The following NXNL1 variants were observed in gnomAD, a reference collection of about 807,000 sequenced individuals.
NXNL1 encodes the protein nucleoredoxin-like protein 1.
A neutral mutation model predicts 7.2 loss-of-function variants in NXNL1; 6 were observed. That is an observed-to-expected ratio of 0.83 (90% CI 0.46 to 1.64). The LOEUF is 1.64. Among genes scored for constraint, NXNL1 ranks in the 40% most tolerant of loss-of-function variants. The pLI, the probability that NXNL1 is intolerant of heterozygous loss-of-function variation, is 0.01. For missense variants in NXNL1, 308 were observed against 285.1 expected (o/e 1.08, Z -0.58); for synonymous variants, 133 against 127.2 (o/e 1.05, Z -0.31).
Position 17,460,633 on chromosome 19 carries a change from G to C in NXNL1, c.237C>G (p.Ser79=). ...CCTGCTGCTCCTCCGTGGAGTCCTG[G>C]GACACGTACACCAGGGCCAGCTGAG... ...RAAQLALVYV[S]QDSTEEQQDL... Residue 79 remains serine (S), a synonymous_variant, in exon 1 of 2, where the codon TCC becomes TCG. Coordinates refer to ENST00000301944, the MANE Select transcript of NXNL1 (RefSeq NM_138454.2). 2.5e-6 allele frequency: 4 copies of C among 1,612,398 alleles called. No individual in the cohort carries two copies. Among genetic ancestry groups the C allele is most frequent in the South Asian group, 2.2e-5 (2 of 91,088 alleles).
Position 17,455,668 on chromosome 19 carries a change from G to GCCCCCCCCCCCCCC in NXNL1, c.617_618insGGGGGGGGGGGGGG (p.Ala208GlyfsTer61). ...CGGGTCAGAACAGCCCCCCGGCCCC[G>GCCCCCCCCCCCCCC]CCCTCCTCCCCACCCCCTCCCCCGG... On this transcript the variant is annotated frameshift_variant, in exon 2 of 2. Coordinates refer to ENST00000301944, the MANE Select transcript of NXNL1 (RefSeq NM_138454.2). LOFTEE classifies it high-confidence loss of function. 1 of 330,288 alleles carries GCCCCCCCCCCCCCC rather than the reference G, an allele frequency of 3.0e-6. No homozygotes were observed. The allele number at this position is 330,288 out of a possible 1,614,324, so 20.5% of individuals were successfully genotyped here. A position where few individuals can be genotyped will look rare whatever the true frequency, so the allele number is the denominator to read the frequency against.
At position 17,455,857 on chromosome 19, in the gene NXNL1, G is replaced by A. The variant is rs2074991139; in HGVS notation, c.429C>T (p.Arg143=). 1 of 1,589,040 alleles carries A rather than the reference G, an allele frequency of 6.3e-7. No individual in the cohort carries two copies. Among genetic ancestry groups the A allele is most frequent in the Non-Finnish European group, 8.5e-7 (1 of 1,174,302 alleles). The change falls in exon 2 of 2, where the codon CGC becomes CGT. Residue 143 remains arginine, a synonymous_variant. Coordinates refer to ENST00000301944, the MANE Select transcript of NXNL1 (RefSeq NM_138454.2). ...LTRDGADEIQ[R]LGTACFANWQ... ...AGTTGGCGAAGCAGGCGGTGCCCAG[G>A]CGCTGGATCTCGTCGGCGCCGTCGC... is the stretch of plus-strand genomic sequence containing the variant.
intron 1 of NXNL1, 148 bp from the exon 2 acceptor site, chr19:17,456,107 ACAG>A: frequency 7.1e-7 from 1 of 1,402,218 alleles, no homozygotes; most frequent in South Asian, 1.5e-5. Context: ...GAGGACCGGG[ACAG>A]GGCCAGACAC....
intron 1 of NXNL1, 122 bp downstream of exon 1, chr19:17,460,422 C>A: frequency 9.4e-7 from 1 of 1,066,656 alleles, no homozygotes; most frequent in South Asian, 1.6e-5. Flanking sequence ...CTGTCTGTAC[C>A]CCCTAGTTCC....
intron 1 of NXNL1, among the ~76,000 whole-genome samples, chr19:17,457,638 A>T (rs1006078885): frequency 6.6e-5 from 10 of 152,108 alleles, no homozygotes; most frequent in African/African-American, 2.4e-4. Flanking sequence ...CTCCCAAAGC[A>T]CTGGGATTAC....
intron 1 of NXNL1, among the ~76,000 whole-genome samples, chr19:17,458,068 CAA>C (rs2074999259): frequency 6.6e-6 from 1 of 152,020 alleles, no homozygotes; most frequent in South Asian, 2.1e-4. Context: ...TTATTGTAGA[CAA>C]AGTGTATATG....
intron 1 of NXNL1, among the ~76,000 whole-genome samples, chr19:17,456,768 A>T (rs1351825957): frequency 6.6e-6 from 1 of 152,066 alleles, no homozygotes; most frequent in Non-Finnish European, 1.5e-5. Flanking sequence ...CACAAAGAGA[A>T]CCCATGATAC....
rs763923375 is a variant in NXNL1, at chr19:17,460,616, T to C, written c.254A>G (p.Glu85Gly). 2 of 1,610,800 alleles carry C rather than the reference T, an allele frequency of 1.2e-6. No individual in the cohort carries two copies. Among genetic ancestry groups the C allele is most frequent in the Non-Finnish European group, 1.7e-6 (2 of 1,180,020 alleles). The change falls in exon 1 of 2, where the codon GAG becomes GGG. Residue 85 changes from glutamate to glycine, a missense_variant. By Grantham distance (98) the Glu-to-Gly change is moderately conservative. Transcript: ENST00000301944. Reference protein sequence around the residue: ...LVYVSQDSTEEQQDLFLKDMP... With the variant: ...LVYVSQDSTEGQQDLFLKDMP... ...GTCCTTGAGGAACAGGTCCTGCTGC[T>C]CCTCCGTGGAGTCCTGGGACACGTA...
intron 1 of NXNL1, among the ~76,000 whole-genome samples, chr19:17,459,503 C>T (rs1423654488): frequency 1.3e-5 from 2 of 151,366 alleles, no homozygotes; most frequent in African/African-American, 2.4e-5. Flanking sequence ...CTGCAACTTT[C>T]GCCTCCTGGA....
rs774230372 is a variant in NXNL1 at position 17,455,974 on chromosome 19, G to T, written c.327-15C>A. 1.3e-6 allele frequency: 2 copies of T among 1,597,440 alleles called. No individual in the cohort carries two copies. Among genetic ancestry groups the T allele is most frequent in the Non-Finnish European group, 1.7e-6 (2 of 1,179,550 alleles). ...GCCCGAGGTCCCTGCGGAGCGGGCA[G>T]GTCAGTCTGGACGGATCCACATCCC... is the stretch of plus-strand genomic sequence containing the variant. On this transcript the variant is annotated splice_polypyrimidine_tract_variant and intron_variant, in intron 1 of 1. Transcript: ENST00000301944.
rs777101260 is a variant in NXNL1, at chr19:17,455,943, A to G, written c.343T>C (p.Phe115Leu). The G allele has an allele frequency of 6.3e-7, 1 of 1,597,422 alleles. No individual in the cohort carries two copies. Among genetic ancestry groups the G allele is most frequent in the South Asian group, 1.1e-5 (1 of 90,990 alleles). ...DDLRRDLGRQ[F>L]SVERLPAVVV... is the part of the protein sequence containing the mutation. ...ACCGCCGGCAGGCGCTCCACTGAGA[A>G]CTGGCGCCCGAGGTCCCTGCGGAGC... Residue 115 changes from phenylalanine to leucine, a missense_variant, in exon 2 of 2, where the codon TTC becomes CTC. By Grantham distance (22) the Phe-to-Leu change is conservative. Coordinates refer to ENST00000301944, the MANE Select transcript of NXNL1 (RefSeq NM_138454.2).
chr19:17,456,542 T>C (rs114386593), intron 1 of NXNL1, among the ~76,000 whole-genome samples: 2,126 of 151,980 alleles, frequency 0.014, 57 homozygotes, highest in African/African-American at 0.048. Flanking sequence ...GCAGTGTTTT[T>C]CTCCAAAGTG....
chr19:17,455,563 A>G lies in NXNL1; in HGVS notation c.*84T>C, dbSNP rs1362093906. ...CGATCCTCCCGCCTTGGCCTCCCCA[A>G]GTGCTGGGATTACAGGCGTGCGGGG... On this transcript the variant is annotated 3_prime_UTR_variant, in exon 2 of 2. Transcript: ENST00000301944. The G allele has an allele frequency of 1.2e-6, 1 of 846,032 alleles. No individual in the cohort carries two copies. Among genetic ancestry groups the G allele is most frequent in the Non-Finnish European group, 1.8e-6 (1 of 556,526 alleles). 52.4% of individuals were successfully genotyped at this position (846,032 alleles called of 1,614,324 possible).
Position 17,460,166 on chromosome 19 carries a change from A to G in NXNL1, c.326+378T>C, listed in dbSNP as rs773950785. ...GCTGGGATTACAGGCGCCCACCACCACGCCTGGATAATTTTTGTATTTTTA... is the reference window on the plus strand; with the variant it reads ...GCTGGGATTACAGGCGCCCACCACCGCGCCTGGATAATTTTTGTATTTTTA... On this transcript the variant is annotated intron_variant, in intron 1 of 1. Coordinates refer to ENST00000301944, the MANE Select transcript of NXNL1 (RefSeq NM_138454.2). 7.0e-4 allele frequency among the ~76,000 whole-genome samples: 105 copies of G among 150,590 alleles called. 1 individual carries two copies. The highest frequency in any genetic ancestry group is 1.9e-4 in the Non-Finnish European group (13 of 67,928).
chr19:17,458,037 C>T (rs539653762), intron 1 of NXNL1, among the ~76,000 whole-genome samples: 3 of 152,142 alleles, frequency 2.0e-5, no homozygotes, highest in East Asian at 1.9e-4. Flanking sequence ...TATGCATATA[C>T]GTGTATATAG....
Position 17,460,692 on chromosome 19 carries a change from G to T in NXNL1, c.178C>A (p.Arg60=). The change falls in exon 1 of 2, where the codon CGG becomes AGG. Residue 60 remains arginine (R), a synonymous_variant. Coordinates refer to ENST00000301944, the MANE Select transcript of NXNL1 (RefSeq NM_138454.2). The part of the protein sequence containing the change: ...FVPILKDFFV[R]LTDEFYVLRA... ...AGTACATAGAACTCATCTGTGAGCC[G>T]CACGAAGAAGTCCTTGAGGATGGGC... 1 of 1,613,788 alleles carries T rather than the reference G, an allele frequency of 6.2e-7. No individual in the cohort carries two copies. The highest frequency in any genetic ancestry group is 8.5e-7 in the Non-Finnish European group (1 of 1,180,032).
At position 17,455,891 on chromosome 19, in the gene NXNL1, A is replaced by G; in HGVS notation, c.395T>C (p.Val132Ala). ...AVVVLKPDGD[V>A]LTRDGADEIQ... ...CTCGTCGGCGCCGTCGCGAGTGAGC[A>G]CGTCCCCGTCCGGCTTGAGCACCAC... Residue 132 changes from valine to alanine, a missense_variant, in exon 2 of 2, where the codon GTG becomes GCG. Val to Ala is a moderately conservative substitution (Grantham distance 64). Transcript: ENST00000301944. 1 of 1,593,678 alleles carries G rather than the reference A, an allele frequency of 6.3e-7. No individual in the cohort carries two copies. The highest frequency in any genetic ancestry group is 8.5e-7 in the Non-Finnish European group (1 of 1,177,196).
rs1431280891 is a variant in NXNL1 at position 17,455,886 on chromosome 19, T to C, written c.400A>G (p.Thr134Ala). 1.3e-6 allele frequency: 2 copies of C among 1,592,428 alleles called. No homozygotes were observed. The highest frequency in any genetic ancestry group is 2.7e-5 in the African/African-American group (2 of 74,736). ...TGGATCTCGTCGGCGCCGTCGCGAG[T>C]GAGCACGTCCCCGTCCGGCTTGAGC... ...VVLKPDGDVL[T>A]RDGADEIQRL... The change falls in exon 2 of 2, where the codon ACT becomes GCT. Residue 134 changes from threonine (T) to alanine (A), a missense_variant. Physicochemically the swap from Thr to Ala is moderately conservative, Grantham distance 58 (BLOSUM62 0). Coordinates refer to ENST00000301944, the MANE Select transcript of NXNL1 (RefSeq NM_138454.2).
chr19:17,458,460 G>A (rs1033891622), intron 1 of NXNL1, among the ~76,000 whole-genome samples: 5 of 151,328 alleles, frequency 3.3e-5, no homozygotes, highest in Admixed American at 6.6e-5. Flanking sequence ...CGCCCGCCTC[G>A]GCCTCTCAAA....
Sources: allele counts gnomAD v4.1 joint callset (sites outside exome capture counted in the v4.1 genomes callset), GRCh38; gene constraint gnomAD v4.1.1; transcripts MANE v1.5; gene names NCBI Gene and HGNC (gene_info 2026-07-23, HGNC 2026-07-21).